Variants in NDUFB6 observed in about 807,000 individuals in gnomAD.
The protein encoded by NDUFB6 is NADH dehydrogenase [ubiquinone] 1 beta subcomplex subunit 6.
A neutral mutation model predicts 17.5 loss-of-function variants in NDUFB6; 23 were observed. The ratio of observed to expected loss-of-function variants is 1.31; its 90% CI spans 0.94 to 1.86. The LOEUF (loss-of-function observed/expected upper bound fraction) is 1.86, where lower values mean the gene tolerates loss of function less well. Among genes scored for constraint, NDUFB6 ranks in the 40% most tolerant of loss-of-function variants. NDUFB6 has a pLI of 0.00. For synonymous variants in NDUFB6, 60 were observed against 53.5 expected, an observed-to-expected ratio of 1.12 and a Z score of -0.53; for missense variants, 167 against 153.8, an observed-to-expected ratio of 1.09 and a Z score of -0.46.
intron 2 of NDUFB6, chr9:32,567,048 G>A (rs746479643): frequency 2.4e-4 from 120 of 496,804 alleles, no homozygotes; most frequent in Admixed American, 6.7e-4. Context: ...AGCATCTCCC[G>A]GCAGCTCCTG....
intron 2 of NDUFB6, 29 bp downstream of exon 2, chr9:32,570,931 A>C (rs1167708196): frequency 6.8e-7 from 1 of 1,471,764 alleles, no homozygotes; most frequent in Non-Finnish European, 9.3e-7. Flanking sequence ...GACAATATTA[A>C]AAATGAATTC....
At chr9:32,563,169 CAT>C (rs1341426752) in intron 2 of NDUFB6, among the ~76,000 whole-genome samples, 2 of 152,176 alleles carry the variant, frequency 1.3e-5, no homozygotes, top group African/African-American at 4.8e-5. Flanking sequence ...TATCAAGTAA[CAT>C]AATTTCAGTT....
intron 2 of NDUFB6, among the ~76,000 whole-genome samples, chr9:32,564,480 CACA>C (rs1408599039): frequency 1.9e-4 from 29 of 149,880 alleles, no homozygotes; most frequent in African/African-American, 7.2e-4. Context: ...CTGCTGATTA[CACA>C]ACAAATGTAA....
chr9:32,554,473 A>C (rs1409188512), intron 3 of NDUFB6, among the ~76,000 whole-genome samples: 1 of 152,216 alleles, frequency 6.6e-6, no homozygotes, highest in Non-Finnish European at 1.5e-5. Flanking sequence ...AAGTGGTAAG[A>C]ATCTTGGAAC....
chr9:32,567,069 C>A, intron 2 of NDUFB6: 1 of 492,640 alleles, frequency 2.0e-6, no homozygotes, highest in South Asian at 1.5e-5. Flanking sequence ...CCCGCCATGC[C>A]AAACTTCCTC....
intron 3 of NDUFB6, among the ~76,000 whole-genome samples, chr9:32,554,254 C>T (rs1821391639): frequency 6.6e-6 from 1 of 152,096 alleles, no homozygotes; most frequent in African/African-American, 2.4e-5. Flanking sequence ...AATGGAGGCC[C>T]CAGAAAGAAG....
At position 32,572,999 on chromosome 9, in the gene NDUFB6, C is replaced by A. The variant is rs762396944; in HGVS notation, c.62G>T (p.Arg21Leu). 4.3e-6 allele frequency: 7 copies of A among 1,609,970 alleles called. No individual in the cohort carries two copies. The highest frequency in any genetic ancestry group is 5.9e-6 in the Non-Finnish European group (7 of 1,177,864). The change falls in exon 1 of 4, where the codon CGA becomes CTA. Residue 21 changes from arginine (R) to leucine (L), a missense_variant. Physicochemically the swap from Arg to Leu is moderately radical, Grantham distance 102. Transcript: ENST00000379847. ...GCTCAGCTCCTGGTCCTTCAGCCAT[C>A]GCCTTCTCAGCTCTCGCAGCTGCTG... ...RLQQLRELRR[R>L]WLKDQELSPR...
intron 3 of NDUFB6, among the ~76,000 whole-genome samples, chr9:32,558,074 C>G (rs1821518822): frequency 6.6e-6 from 1 of 151,472 alleles, no homozygotes; most frequent in Non-Finnish European, 1.5e-5. Context: ...GCTAAAATAA[C>G]TCATTTCAAA....
chr9:32,563,179 G>A (rs982482332), intron 2 of NDUFB6, among the ~76,000 whole-genome samples: 1 of 152,108 alleles, frequency 6.6e-6, no homozygotes, highest in Non-Finnish European at 1.5e-5. Context: ...CATAATTTCA[G>A]TTTGCCCCAT....
chr9:32,569,488 G>A (rs1821893481), intron 2 of NDUFB6, among the ~76,000 whole-genome samples: 1 of 152,146 alleles, frequency 6.6e-6, no homozygotes, highest in Admixed American at 6.5e-5. Flanking sequence ...AAAGTGCTGG[G>A]ATTACAGGCA....
chr9:32,561,016 A>G (rs1321205079), intron 2 of NDUFB6, among the ~76,000 whole-genome samples: 1 of 152,232 alleles, frequency 6.6e-6, no homozygotes, highest in East Asian at 1.9e-4. Flanking sequence ...AGGGTCTTAC[A>G]TGCCAAAATA....
chr9:32,569,977 G>C (rs1211777451), intron 2 of NDUFB6, among the ~76,000 whole-genome samples: 1 of 152,094 alleles, frequency 6.6e-6, no homozygotes, highest in Non-Finnish European at 1.5e-5. Context: ...GAATACTTTT[G>C]GAACTGCATT....
Position 32,553,928 on chromosome 9 carries a change from T to C in NDUFB6, c.335A>G (p.Glu112Gly). The change falls in exon 4 of 4, where the codon GAG becomes GGG. Residue 112 changes from glutamate to glycine, a missense_variant. Physicochemically the swap from Glu to Gly is moderately conservative, Grantham distance 98. Coordinates refer to ENST00000379847, the MANE Select transcript of NDUFB6 (RefSeq NM_002493.5). ...CATTGGTGGAATTACTTCTCCAGTC[T>C]CCAGAATTGTATCACCCTAGGAAAA... ...SRIFPGDTIL[E>G]TGEVIPPMKE... 3.8e-6 allele frequency: 6 copies of C among 1,594,826 alleles called. No individual in the cohort carries two copies. Among genetic ancestry groups the C allele is most frequent in the African/African-American group, 1.3e-5 (1 of 74,440 alleles).
chr9:32,558,863 A>C (rs771431382), intron 3 of NDUFB6, 47 bp downstream of exon 3: 3 of 1,300,120 alleles, frequency 2.3e-6, no homozygotes, highest in Non-Finnish European at 3.2e-6. Flanking sequence ...GGAAAAGGAA[A>C]GAGAAAAACA....
At chr9:32,572,667 T>G (rs1821968344) in intron 1 of NDUFB6, among the ~76,000 whole-genome samples, 1 of 152,238 alleles carries the variant, frequency 6.6e-6, no homozygotes. Flanking sequence ...CCGTCCACTG[T>G]ACTTGACAGT....
Position 32,567,869 on chromosome 9 carries a change from A to C in NDUFB6, c.273+3091T>G, listed in dbSNP as rs563825664. On this transcript the variant is annotated intron_variant, in intron 2 of 3. Transcript: ENST00000379847. The stretch of plus-strand genomic sequence containing the variant: ...ATACTGAAATTAGGCCAATTTAATA[A>C]CACTACAATGACCTCTAACTGTTCA... 530 of 195,830 alleles carry C rather than the reference A, an allele frequency of 2.7e-3. 2 individuals are homozygous for C. Among genetic ancestry groups the C allele is most frequent in the Middle Eastern group, 5.3e-3 (2 of 378 alleles). The allele number at this position is 195,830 out of a possible 1,614,324, so 12.1% of individuals were successfully genotyped here. A position where few individuals can be genotyped will look rare whatever the true frequency, so the allele number is the denominator to read the frequency against.
chr9:32,559,028 C>A, intron 2 of NDUFB6, 74 bp from the exon 3 acceptor site: 1 of 1,070,066 alleles, frequency 9.3e-7, no homozygotes, highest in Admixed American at 2.1e-5. Flanking sequence ...AGGTCATACC[C>A]CAAATTTTAA....
intron 2 of NDUFB6, chr9:32,565,362 C>A (rs1821752920): frequency 6.6e-6 from 1 of 152,096 alleles, no homozygotes. Context: ...AACATCTTAC[C>A]CCCAAAGCAT....
At chr9:32,566,348 T>C in intron 2 of NDUFB6, 3 of 1,176,676 alleles carry the variant, frequency 2.5e-6, no homozygotes, top group Non-Finnish European at 3.8e-6. Context: ...CTTCCACCAG[T>C]GTAGGAATGA....
Sources: gnomAD v4.1 joint callset for allele counts (sites outside exome capture counted in the v4.1 genomes callset) on GRCh38, gnomAD v4.1.1 for gene constraint, MANE v1.5 for transcripts, NCBI Gene and HGNC (gene_info 2026-07-23, HGNC 2026-07-21) for gene names.